The following TFR2 variants were observed in gnomAD, a reference collection of about 807,000 sequenced individuals.
TFR2 encodes transferrin receptor protein 2.
In TFR2, 64 loss-of-function variants were observed where a neutral mutation model predicts 91.9. The ratio of observed to expected loss-of-function variants is 0.70; its 90% CI spans 0.57 to 0.86. TFR2 has a LOEUF of 0.86. TFR2 is among the 40% of genes least tolerant of loss of function. The pLI, the probability that TFR2 is intolerant of heterozygous loss-of-function variation, is 0.00. For synonymous variants in TFR2, 454 were observed against 459.6 expected (o/e 0.99, Z 0.15); for missense variants, 950 against 1,080.5 (o/e 0.88, Z 1.69).
intron 17 of TFR2, among the ~76,000 whole-genome samples, chr7:100,622,334 C>T (rs907975566): frequency 7.9e-5 from 12 of 152,212 alleles, no homozygotes; most frequent in Admixed American, 5.2e-4. Context: ...GCCCTCCAGC[C>T]ATCTGGACCT....
In TFR2 at chr7:100,640,790, G is replaced by T; in HGVS notation, c.369C>A (p.Asn123Lys). 6.2e-7 allele frequency: 1 copy of T among 1,614,196 alleles called. No homozygotes were observed. ...DSVLVVSEDVNYEPDLDFHQG... is the reference protein window; with the variant it reads ...DSVLVVSEDVKYEPDLDFHQG... ...GGTGGAAATCCAGGTCAGGCTCATA[G>T]TTGACATCCTCACTGACCACCAACA... Residue 123 changes from asparagine to lysine, a missense_variant, in exon 3 of 18, where the codon AAC (asparagine) becomes AAA (lysine). Asn to Lys is a moderately conservative substitution (Grantham distance 94). Transcript: ENST00000223051.
intron 17 of TFR2, among the ~76,000 whole-genome samples, chr7:100,626,076 A>G (rs1375689809): frequency 6.6e-6 from 1 of 152,048 alleles, no homozygotes; most frequent in Non-Finnish European, 1.5e-5. Context: ...CCTGTTTACT[A>G]TTTTGCCCTG....
chr7:100,623,437 C>T (rs1445136943), intron 17 of TFR2, among the ~76,000 whole-genome samples: 1 of 152,144 alleles, frequency 6.6e-6, no homozygotes, highest in Non-Finnish European at 1.5e-5. Flanking sequence ...TTGCTCCCAC[C>T]TGCCACTCTC....
intron 1 of TFR2, 113 bp from the exon 2 acceptor site, chr7:100,641,341 G>A: frequency 7.0e-7 from 1 of 1,428,794 alleles, no homozygotes; most frequent in Non-Finnish European, 9.5e-7. Flanking sequence ...GGTGGTGGGG[G>A]CGTGGGGGAG....
At position 100,628,154 on chromosome 7, in the gene TFR2, G is replaced by A. The variant is rs747728512; in HGVS notation, c.1474-18C>T. The A allele has an allele frequency of 8.7e-6, 14 of 1,613,998 alleles. No homozygotes were observed. The Admixed American group carries it at 2.3e-4, about 27-fold the overall frequency. On this transcript the variant is annotated intron_variant, in intron 11 of 17. Coordinates refer to ENST00000223051, the MANE Select transcript of TFR2 (RefSeq NM_003227.4). ...AGGTAGCCCTGTGGGTGGGTGACCA[G>A]TGTGGAGTGGGAACCCCCCACCCCC...
intron 6 of TFR2, chr7:100,632,752 T>G (rs1184520040): frequency 2.8e-6 from 1 of 354,544 alleles, no homozygotes; most frequent in African/African-American, 2.2e-5. Context: ...TTTTTTTTTT[T>G]TTTTTTTAGT....
Position 100,626,802 on chromosome 7 carries a change from GTCTC to G in TFR2, c.2093_2096del (p.Arg698ThrfsTer4). 1.9e-6 allele frequency: 3 copies of G among 1,548,736 alleles called. No individual in the cohort carries two copies. Among genetic ancestry groups the G allele is most frequent in the African/African-American group, 1.4e-5 (1 of 73,160 alleles). ...CGTTGTACATGCGTGTCAGTCGCTC[GTCTC>G]TCTCCTCCGAGCTGTAGATCTCCTG... On this transcript the variant is annotated frameshift_variant, in exon 17 of 18. Coordinates refer to ENST00000223051, the MANE Select transcript of TFR2 (RefSeq NM_003227.4). LOFTEE classifies it high-confidence loss of function.
intron 3 of TFR2, among the ~76,000 whole-genome samples, chr7:100,638,439 T>A (rs1803621149): frequency 1.3e-5 from 2 of 150,882 alleles, no homozygotes; most frequent in South Asian, 4.2e-4. Flanking sequence ...TAGGGAGACC[T>A]CGTTTCTACT....
intron 11 of TFR2, 34 bp from the exon 12 acceptor site, chr7:100,628,170 C>T (rs1243056131): frequency 1.2e-6 from 2 of 1,613,432 alleles, no homozygotes; most frequent in African/African-American, 2.7e-5. Context: ...AGTGGGAACC[C>T]CCCACCCCCA....
At chr7:100,629,738 CTTACTTAT>C (rs943184243) in intron 9 of TFR2, among the ~76,000 whole-genome samples, 32 of 152,136 alleles carry the variant, frequency 2.1e-4, no homozygotes, top group African/African-American at 7.7e-4. Context: ...CTTTTACTTA[CTTACTTAT>C]TTATTTATTT....
chr7:100,631,367 AC>A (rs1023560282), intron 8 of TFR2: 45 of 175,368 alleles, frequency 2.6e-4, no homozygotes, highest in Middle Eastern at 2.4e-3. Context: ...GGTGGCTCAC[AC>A]CTGTAATCCC....
In TFR2 at chr7:100,626,854, A is replaced by C; in HGVS notation, c.2045T>G (p.Ile682Ser). ...QWVYSARGDY[I>S]RAAEKLRQEI... is the part of the protein sequence containing the mutation. Reference sequence around the variant, plus strand: ...CTGCCGCAGCTTTTCCGCCGCCCGGATGTAGTCCCCCCGCGCCGAGTACAC... The same window carrying C: ...CTGCCGCAGCTTTTCCGCCGCCCGGCTGTAGTCCCCCCGCGCCGAGTACAC... The change falls in exon 17 of 18, where the codon ATC (isoleucine) becomes AGC (serine). Residue 682 changes from isoleucine to serine, a missense_variant. Ile to Ser is a moderately radical substitution (Grantham distance 142, BLOSUM62 -2). Coordinates refer to ENST00000223051, the MANE Select transcript of TFR2 (RefSeq NM_003227.4). 1 of 1,548,868 alleles carries C rather than the reference A, an allele frequency of 6.5e-7. No individual in the cohort carries two copies. Among genetic ancestry groups the C allele is most frequent in the Non-Finnish European group, 8.7e-7 (1 of 1,147,118 alleles).
Position 100,628,300 on chromosome 7 carries a change from C to T in TFR2, c.1397G>A (p.Arg466Gln), listed in dbSNP as rs145499236. 28 of 1,613,860 alleles carry T rather than the reference C, an allele frequency of 1.7e-5. No homozygotes were observed. Among genetic ancestry groups the T allele is most frequent in the African/African-American group, 2.7e-5 (2 of 74,900 alleles). ...GATGAAGAGGAGACTTCTGCGGGGC[C>T]GGAAGCCTGGGGACAGAGGGGAAGG... ...TFSSMVSNGF[R>Q]PRRSLLFISW... The change falls in exon 11 of 18, where the codon CGG becomes CAG. Residue 466 changes from arginine to glutamine, a missense_variant. Arg to Gln is a conservative substitution (Grantham distance 43, BLOSUM62 1). Transcript: ENST00000223051.
chr7:100,636,239 G>A (rs992655257), intron 3 of TFR2, among the ~76,000 whole-genome samples: 4 of 136,204 alleles, frequency 2.9e-5, no homozygotes, highest in Admixed American at 8.6e-5. Flanking sequence ...GCATTGGTGC[G>A]ATCTCAGCTC....
rs1021635096 is a variant in TFR2, at chr7:100,627,407, C to T, written c.1852G>A (p.Val618Met). 7.7e-6 allele frequency: 12 copies of T among 1,568,068 alleles called. No individual in the cohort carries two copies. Among genetic ancestry groups the T allele is most frequent in the Middle Eastern group, 3.3e-4 (2 of 6,026 alleles). The change falls in exon 16 of 18, where the codon GTG becomes ATG. Residue 618 changes from valine (V) to methionine (M), a missense_variant. Transcript: ENST00000223051. ...HKVLQGRLPAVAQAVAQLAGQ... is the reference protein window; with the variant it reads ...HKVLQGRLPAMAQAVAQLAGQ... ...GCGAGCTGGGCCACGGCCTGGGCCA[C>T]GGCGGGCAGGCGGCCTTGCAGCACC...
intron 3 of TFR2, among the ~76,000 whole-genome samples, chr7:100,634,649 C>T (rs1004486708): frequency 1.3e-5 from 2 of 152,200 alleles, no homozygotes; most frequent in South Asian, 2.1e-4. Context: ...CAATTCAAAA[C>T]AGTTAAAGTA....
intron 10 of TFR2, among the ~76,000 whole-genome samples, chr7:100,628,830 G>A (rs999844673): frequency 2.1e-4 from 32 of 151,134 alleles, no homozygotes; most frequent in Middle Eastern, 6.9e-3. Context: ...GCAGTGGTGC[G>A]ATCTCGGCTT....
rs1803081235 is a variant in TFR2, at chr7:100,620,845, A to C, written c.*12T>G. 6.2e-7 allele frequency: 1 copy of C among 1,613,802 alleles called. No homozygotes were observed. Among genetic ancestry groups the C allele is most frequent in the African/African-American group, 1.3e-5 (1 of 75,014 alleles). On this transcript the variant is annotated 3_prime_UTR_variant, in exon 18 of 18. Coordinates refer to ENST00000223051, the MANE Select transcript of TFR2 (RefSeq NM_003227.4). ...TTGACTGGGGGACGGGGATGTGAGG[A>C]TCCCCAGGGCCTCAGAAGTTGTTAT...
intron 17 of TFR2, among the ~76,000 whole-genome samples, chr7:100,626,149 G>A (rs1803244247): frequency 6.6e-6 from 1 of 152,162 alleles, no homozygotes; most frequent in South Asian, 2.1e-4. Flanking sequence ...GGGTTGAGGG[G>A]TTGAGTTCTT....
Sources: gnomAD v4.1 joint callset for allele counts (sites outside exome capture counted in the v4.1 genomes callset) on GRCh38, gnomAD v4.1.1 for gene constraint, MANE v1.5 for transcripts, NCBI Gene and HGNC (gene_info 2026-07-23, HGNC 2026-07-21) for gene names.